Variants in SLCO3A1 observed in about 807,000 individuals in gnomAD.
The protein encoded by SLCO3A1 is PGE1 transporter.
Under a neutral mutation model 63.1 loss-of-function variants are expected in SLCO3A1, and 27 were observed. That is an observed-to-expected ratio of 0.43 (90% confidence interval 0.32 to 0.59). SLCO3A1 has a LOEUF of 0.59. SLCO3A1 is among the 20% of genes least tolerant of loss of function. The pLI, the probability that SLCO3A1 is intolerant of heterozygous loss-of-function variation, is 0.09. For missense variants in SLCO3A1, 773 were observed against 945.8 expected (o/e 0.82, Z 2.40); for synonymous variants, 473 against 409.9 (o/e 1.15, Z -1.86).
intron 2 of SLCO3A1, among the ~76,000 whole-genome samples, chr15:91,983,990 G>A (rs1448912458): frequency 1.3e-5 from 2 of 152,172 alleles, no homozygotes; most frequent in African/African-American, 4.8e-5. Flanking sequence ...TTGTGAGAGT[G>A]GATGTGGTTT....
At chr15:91,904,164 G>T (rs551369243) in intron 1 of SLCO3A1, among the ~76,000 whole-genome samples, 28 of 152,292 alleles carry the variant, frequency 1.8e-4, no homozygotes, top group African/African-American at 6.7e-4. Flanking sequence ...GCAGGAAGAG[G>T]CACTGCTGTT....
At chr15:91,993,120 C>T (rs2046147700) in intron 2 of SLCO3A1, among the ~76,000 whole-genome samples, 1 of 152,184 alleles carries the variant, frequency 6.6e-6, no homozygotes, top group African/African-American at 2.4e-5. Context: ...AAGTACAGCA[C>T]TGATTGGGAG....
chr15:91,925,928 GT>G (rs1898996377), intron 2 of SLCO3A1, among the ~76,000 whole-genome samples: 1 of 152,140 alleles, frequency 6.6e-6, no homozygotes, highest in Non-Finnish European at 1.5e-5. Context: ...CAGCTGCCAG[GT>G]TTCTGCCTCA....
intron 2 of SLCO3A1, among the ~76,000 whole-genome samples, chr15:92,090,471 ACCCTTGTC>A (rs1402552700): frequency 6.6e-6 from 1 of 152,136 alleles, no homozygotes; most frequent in Non-Finnish European, 1.5e-5. Flanking sequence ...CTGCATTCAA[ACCCTTGTC>A]CCCTTGTCCA....
chr15:91,960,346 G>T (rs578066691), intron 2 of SLCO3A1, among the ~76,000 whole-genome samples: 3 of 152,282 alleles, frequency 2.0e-5, no homozygotes, highest in South Asian at 2.1e-4. Context: ...CATCCATGTT[G>T]TAATGGGTAT....
intron 2 of SLCO3A1, among the ~76,000 whole-genome samples, chr15:92,040,624 G>A (rs1045775803): frequency 6.6e-5 from 10 of 152,086 alleles, no homozygotes; most frequent in African/African-American, 2.4e-4. Flanking sequence ...GAACCTGCTT[G>A]GTGCTCTGCC....
At chr15:91,880,097 G>GTATC (rs1221861887) in intron 1 of SLCO3A1, among the ~76,000 whole-genome samples, 1 of 99,372 alleles carries the variant, frequency 1.0e-5, no homozygotes, top group African/African-American at 3.6e-5. Context: ...GCTTGTATGT[G>GTATC]TGTCCGTCCG....
intron 7 of SLCO3A1, among the ~76,000 whole-genome samples, chr15:92,133,916 G>C (rs1262347050): frequency 6.6e-6 from 1 of 152,192 alleles, no homozygotes; most frequent in South Asian, 2.1e-4. Context: ...GTACCAAAAA[G>C]GTTGGGGACC....
chr15:92,064,797 T>C (rs1028916620), intron 2 of SLCO3A1, among the ~76,000 whole-genome samples: 6 of 152,134 alleles, frequency 3.9e-5, no homozygotes. Flanking sequence ...TTCTCACTTA[T>C]ATGTAGGAGC....
rs1462381853 is a variant in SLCO3A1, at chr15:91,854,909, A to G, written c.180+821A>G. On this transcript the variant is annotated intron_variant, in intron 1 of 9. Transcript: ENST00000318445. The surrounding 1 kb of genome is among the most constrained non-coding windows in gnomAD (Gnocchi z 6.4). ...TAACATTTCAGAGGAAACAGCTTGTAATGACTCAGCACTGTCAGGTACCTA... is the reference window on the plus strand; with the variant it reads ...TAACATTTCAGAGGAAACAGCTTGTGATGACTCAGCACTGTCAGGTACCTA... Among the ~76,000 whole-genome samples the G allele has an allele frequency of 2.6e-5, 4 of 152,148 alleles. No individual in the cohort carries two copies. Among genetic ancestry groups the G allele is most frequent in the African/African-American group, 4.8e-5 (2 of 41,416 alleles).
intron 2 of SLCO3A1, among the ~76,000 whole-genome samples, chr15:91,960,328 G>A (rs1270931779): frequency 6.6e-6 from 1 of 152,146 alleles, no homozygotes. Flanking sequence ...CATGATGTTT[G>A]TAAGGTCCAT....
rs951710863 is a variant in SLCO3A1, at chr15:91,900,080, C to T, written c.181-15913C>T. Among the ~76,000 whole-genome samples, 6 of 152,020 alleles carry T rather than the reference C, an allele frequency of 3.9e-5. No homozygotes were observed. The highest frequency in any genetic ancestry group is 7.4e-5 in the Non-Finnish European group (5 of 68,002). ...ACCATTCATGGATGTTTGAGTTGTT[C>T]CCAATGTGATGTTATTATGAATAAT... On this transcript the variant is annotated intron_variant, in intron 1 of 9. Transcript: ENST00000318445. The surrounding 1 kb of genome is among the most constrained non-coding windows in gnomAD (Gnocchi z 4.3).
At chr15:92,129,504 G>A (rs983488327) in intron 7 of SLCO3A1, among the ~76,000 whole-genome samples, 26 of 152,000 alleles carry the variant, frequency 1.7e-4, no homozygotes, top group Non-Finnish European at 2.2e-4. Flanking sequence ...GAAGTCCTTC[G>A]GTGCCTCTTT....
At position 92,164,170 on chromosome 15, in the gene SLCO3A1, C is replaced by T; in HGVS notation, c.*1035C>T. The T allele has an allele frequency of 1.0e-6, 1 of 985,220 alleles. No individual in the cohort carries two copies. Among genetic ancestry groups the T allele is most frequent in the Non-Finnish European group, 1.2e-6 (1 of 829,756 alleles). The allele number at this position is 985,220 out of a possible 1,614,324, so 61.0% of individuals were successfully genotyped here. A position where few individuals can be genotyped will look rare whatever the true frequency, so the allele number is the denominator to read the frequency against. ...AGTTCTCTAGGCCGGATTTATTATG[C>T]TGGTTGCTTTTACTTTTTTTCTCCT... On this transcript the variant is annotated 3_prime_UTR_variant, in exon 10 of 10. Transcript: ENST00000318445.
chr15:92,095,951 G>A (rs2047533537), intron 3 of SLCO3A1, among the ~76,000 whole-genome samples: 1 of 152,196 alleles, frequency 6.6e-6, no homozygotes, highest in Admixed American at 6.5e-5. Context: ...AAGTCACGTG[G>A]TGTATTGGTT....
At chr15:91,913,767 A>G (rs1898561382) in intron 1 of SLCO3A1, among the ~76,000 whole-genome samples, 1 of 152,196 alleles carries the variant, frequency 6.6e-6, no homozygotes, top group South Asian at 2.1e-4. Flanking sequence ...TTAGATCCAT[A>G]TGACTCTCCT....
intron 5 of SLCO3A1, among the ~76,000 whole-genome samples, chr15:92,124,798 G>C (rs948099740): frequency 4.6e-5 from 7 of 152,180 alleles, no homozygotes; most frequent in Non-Finnish European, 1.0e-4. Flanking sequence ...AAGAGAGTAG[G>C]GGCCAGCCAA....
At chr15:92,149,816 T>C (rs1358327719) in intron 8 of SLCO3A1, 1 of 152,262 alleles carries the variant, frequency 6.6e-6, no homozygotes, top group Non-Finnish European at 1.5e-5. Context: ...GTGATAAATA[T>C]TCTAACTCAT....
At chr15:91,910,700 G>A (rs1341355310) in intron 1 of SLCO3A1, among the ~76,000 whole-genome samples, 1 of 152,216 alleles carries the variant, frequency 6.6e-6, no homozygotes, top group Admixed American at 6.5e-5. Context: ...ATAGGACCAG[G>A]CTGCTCTGGT....
Sources: allele counts gnomAD v4.1 joint callset (sites outside exome capture counted in the v4.1 genomes callset), GRCh38; gene constraint gnomAD v4.1.1; non-coding constraint Gnocchi (gnomAD v3.1); transcripts MANE v1.5; gene names NCBI Gene and HGNC (gene_info 2026-07-23, HGNC 2026-07-21).